Variants in GRM5 observed in about 807,000 individuals in gnomAD.
GRM5 encodes the protein metabotropic glutamate receptor 5.
GRM5 carries 19 observed loss-of-function variants against 83.1 expected under a neutral mutation model. The observed-to-expected ratio is 0.23, with a 90% CI of 0.16 to 0.34. The LOEUF is 0.34. GRM5 is among the 10% of genes least tolerant of loss of function. GRM5 has a pLI of 1.00. For synonymous variants in GRM5, 675 were observed against 633.6 expected (o/e 1.07, Z -0.98); for missense variants, 1,160 against 1,588.3 (o/e 0.73, Z 4.58).
At chr11:89,021,883 G>A (rs1940993504) in intron 2 of GRM5, among the ~76,000 whole-genome samples, 1 of 152,154 alleles carries the variant, frequency 6.6e-6, no homozygotes, top group African/African-American at 2.4e-5. Context: ...GGCTGCCCCT[G>A]ACATTTGGGA....
At chr11:88,552,404 G>A (rs999553417) in intron 8 of GRM5, among the ~76,000 whole-genome samples, 2 of 152,126 alleles carry the variant, frequency 1.3e-5, no homozygotes, top group Admixed American at 6.6e-5. Flanking sequence ...TTAGAAATTT[G>A]TATTAGGAAT....
intron 2 of GRM5, among the ~76,000 whole-genome samples, chr11:88,994,763 G>C (rs530597548): frequency 6.6e-6 from 1 of 151,634 alleles, no homozygotes; most frequent in East Asian, 1.9e-4. Flanking sequence ...GTATGTATGA[G>C]GTTCCATAAG....
At chr11:89,025,949 T>C (rs1941120623) in intron 2 of GRM5, among the ~76,000 whole-genome samples, 1 of 152,182 alleles carries the variant, frequency 6.6e-6, no homozygotes, top group South Asian at 2.1e-4. Context: ...TCATCAACTG[T>C]GGAGTAGATT....
intron 8 of GRM5, among the ~76,000 whole-genome samples, chr11:88,551,310 G>T (rs970342874): frequency 2.0e-5 from 3 of 152,098 alleles, no homozygotes; most frequent in Non-Finnish European, 4.4e-5. Context: ...TTCAGCTGGA[G>T]TGTCCAAGAA....
intron 3 of GRM5, among the ~76,000 whole-genome samples, chr11:88,804,831 G>T (rs934926218): frequency 2.0e-5 from 3 of 152,112 alleles, no homozygotes; most frequent in Non-Finnish European, 4.4e-5. Context: ...ACATAGGAGG[G>T]TGGCAGAGGA....
intron 6 of GRM5, 152 bp from the exon 7 acceptor site, chr11:88,590,879 TTTATAA>T (rs1937628382): frequency 2.0e-6 from 1 of 501,306 alleles, no homozygotes; most frequent in Non-Finnish European, 3.5e-6. Context: ...TTAATATTAA[TTTATAA>T]TTAAAGAAAA....
rs966995187 is a variant in GRM5, at chr11:88,670,510, A to G, written c.912-17107T>C. On this transcript the variant is annotated intron_variant, in intron 3 of 9. Transcript: ENST00000305447. ...GTGTATGTGTGTGTGTGTGTTGTGTATACAGATGACAGATACCAAAATGAT... is the reference window on the plus strand; with the variant it reads ...GTGTATGTGTGTGTGTGTGTTGTGTGTACAGATGACAGATACCAAAATGAT... Among the ~76,000 whole-genome samples, 3 of 149,142 alleles carry G rather than the reference A, an allele frequency of 2.0e-5. No individual in the cohort carries two copies. The Admixed American group carries it at 2.0e-4, about 10-fold the overall frequency.
chr11:88,820,256 C>T lies in GRM5; in HGVS notation c.911+29650G>A, dbSNP rs139150909. On this transcript the variant is annotated intron_variant, in intron 3 of 9. Transcript: ENST00000305447. ...AAAAAAAATTAGCTGGGCTTGGTGG[C>T]GCACACCTGTAATCCAAGCTACTCA... 1.0e-3 allele frequency among the ~76,000 whole-genome samples: 154 copies of T among 150,200 alleles called. 2 individuals are homozygous for T. In the South Asian group the frequency reaches 0.016, roughly 16 times the overall value.
At chr11:88,615,684 A>C (rs1417775624) in intron 4 of GRM5, among the ~76,000 whole-genome samples, 1 of 152,104 alleles carries the variant, frequency 6.6e-6, no homozygotes, top group African/African-American at 2.4e-5. Flanking sequence ...GTTACTGTGA[A>C]TAGCTGGCAA....
At chr11:88,783,530 AAATGTCATAGTTTGAGCAGC>A (rs1943012802) in intron 3 of GRM5, among the ~76,000 whole-genome samples, 1 of 152,276 alleles carries the variant, frequency 6.6e-6, no homozygotes, top group East Asian at 1.9e-4. Context: ...CAATAGAAGC[AAATGTCATAGTTTGAGCAGC>A]AACCATATTG....
chr11:89,057,529 A>G (rs1313437007), intron 1 of GRM5, among the ~76,000 whole-genome samples: 1 of 152,206 alleles, frequency 6.6e-6, no homozygotes, highest in African/African-American at 2.4e-5. Context: ...TGGCAGTTCA[A>G]TAGAGCTCAC....
intron 2 of GRM5, among the ~76,000 whole-genome samples, chr11:88,985,094 T>C (rs956882951): frequency 5.3e-5 from 8 of 152,028 alleles, no homozygotes; most frequent in Non-Finnish European, 1.2e-4. Flanking sequence ...TCTAAAGGAA[T>C]AAAGCCTGCC....
rs1326545527 is a variant in GRM5, at chr11:88,504,705, G to A, written c.*3887C>T. 6.6e-6 allele frequency: 1 copy of A among 151,804 alleles called. No individual in the cohort carries two copies. The highest frequency in any genetic ancestry group is 1.5e-5 in the Non-Finnish European group (1 of 67,918). 9.4% of individuals were successfully genotyped at this position (151,804 alleles called of 1,614,324 possible). ...GCTAAAATAAAACATATTTATACAAGTACAAAGCAAAACAATGCTGATAAA... is the reference window on the plus strand; with the variant it reads ...GCTAAAATAAAACATATTTATACAAATACAAAGCAAAACAATGCTGATAAA... On this transcript the variant is annotated 3_prime_UTR_variant, in exon 10 of 10. Coordinates refer to ENST00000305447, the MANE Select transcript of GRM5 (RefSeq NM_001143831.3).
chr11:88,967,269 AT>A (rs1565313023), intron 2 of GRM5, among the ~76,000 whole-genome samples: 2,282 of 103,768 alleles, frequency 0.022, 66 homozygotes, highest in African/African-American at 0.081. Flanking sequence ...ATATATATAT[AT>A]ATATATAAAA....
chr11:88,713,873 G>GAAATT (rs971074952), intron 3 of GRM5, among the ~76,000 whole-genome samples: 41 of 151,924 alleles, frequency 2.7e-4, no homozygotes, highest in Admixed American at 1.8e-3. Context: ...TGTTCTTCAT[G>GAAATT]AAATTAAGAA....
At chr11:88,644,381 C>A (rs575213367) in intron 4 of GRM5, among the ~76,000 whole-genome samples, 2 of 152,150 alleles carry the variant, frequency 1.3e-5, no homozygotes, top group East Asian at 3.9e-4. Flanking sequence ...AAATGCTTGC[C>A]TTATATTCAA....
At chr11:88,883,243 G>A (rs1184961902) in intron 2 of GRM5, among the ~76,000 whole-genome samples, 2 of 152,216 alleles carry the variant, frequency 1.3e-5, no homozygotes, top group Non-Finnish European at 2.9e-5. Flanking sequence ...GAAGAGGACA[G>A]AAAGATGTGG....
At position 88,586,352 on chromosome 11, in the gene GRM5, C is replaced by T. The variant is rs114511021; in HGVS notation, c.1690+4249G>A. ...TTCCAGGTGGGCTGAGATCTCTTAG[C>T]CATGCTGATAATCTTATAGGATTGT... On this transcript the variant is annotated intron_variant, in intron 7 of 9. Transcript: ENST00000305447. Among the ~76,000 whole-genome samples the T allele has an allele frequency of 7.3e-3, 1,112 of 152,272 alleles. 11 individuals carry two copies. Among genetic ancestry groups the T allele is most frequent in the African/African-American group, 0.026 (1,074 of 41,524 alleles).
chr11:88,606,745 T>C (rs61901988), intron 4 of GRM5, among the ~76,000 whole-genome samples: 16 of 152,170 alleles, frequency 1.1e-4, no homozygotes, highest in Non-Finnish European at 1.9e-4. Context: ...AAGAAAATGT[T>C]CCTGCCTGTG....
Sources: gnomAD v4.1 joint callset for allele counts (sites outside exome capture counted in the v4.1 genomes callset) on GRCh38, gnomAD v4.1.1 for gene constraint, MANE v1.5 for transcripts, NCBI Gene and HGNC (gene_info 2026-07-23, HGNC 2026-07-21) for gene names.